The following DKK3 variants were observed in gnomAD, a reference collection of about 807,000 sequenced individuals.
DKK3 encodes the protein dickkopf Wnt signaling pathway inhibitor 3.
In DKK3, 22 loss-of-function variants were observed where a neutral mutation model predicts 33.2. The ratio of observed to expected loss-of-function variants is 0.66; its 90% CI spans 0.47 to 0.95. The LOEUF (loss-of-function observed/expected upper bound fraction) is 0.95, where lower values mean the gene tolerates loss of function less well. DKK3 is among the 40% of genes least tolerant of loss of function. DKK3 has a pLI of 0.00. For synonymous variants in DKK3, 194 were observed against 188.8 expected (o/e 1.03, Z -0.23); for missense variants, 398 against 458.4 (o/e 0.87, Z 1.20).
At chr11:11,997,210 T>A (rs1219486756) in intron 3 of DKK3, among the ~76,000 whole-genome samples, 1 of 152,174 alleles carries the variant, frequency 6.6e-6, no homozygotes. Context: ...TGTACCACTG[T>A]GCAATGATAG....
At chr11:11,987,523 G>C (rs1392930130) in intron 3 of DKK3, among the ~76,000 whole-genome samples, 1 of 152,152 alleles carries the variant, frequency 6.6e-6, no homozygotes, top group Non-Finnish European at 1.5e-5. Flanking sequence ...GTTGCTGCTT[G>C]GAAGTGCTGT....
intron 3 of DKK3, among the ~76,000 whole-genome samples, chr11:11,971,694 C>G (rs565840993): frequency 3.2e-4 from 48 of 152,294 alleles, no homozygotes; most frequent in Non-Finnish European, 6.6e-4. Context: ...GCATCAATTC[C>G]TATAAGACCC....
At chr11:11,993,699 C>T (rs1468456150) in intron 3 of DKK3, among the ~76,000 whole-genome samples, 1 of 152,194 alleles carries the variant, frequency 6.6e-6, no homozygotes, top group Non-Finnish European at 1.5e-5. Context: ...TATATTTAGA[C>T]ATAAATCACG....
upstream of DKK3, chr11:12,009,382 C>A (rs1208814226): frequency 1.0e-6 from 1 of 956,848 alleles, no homozygotes; most frequent in Admixed American, 7.2e-5. Context: ...CCGCCCCGAG[C>A]CCCGCCCGCC....
At chr11:11,966,280 G>T (rs570548190) in intron 5 of DKK3, among the ~76,000 whole-genome samples, 3 of 152,304 alleles carry the variant, frequency 2.0e-5, no homozygotes, top group African/African-American at 7.2e-5. Flanking sequence ...CAAAGGCCTG[G>T]GGTTGAGCTC....
chr11:11,964,809 T>G (rs1396860840), intron 6 of DKK3, 123 bp from the exon 7 acceptor site: 7 of 1,485,928 alleles, frequency 4.7e-6, no homozygotes, highest in Non-Finnish European at 6.3e-6. Flanking sequence ...TCCTGTCTCT[T>G]CAACAGAGAC....
chr11:11,984,823 A>C (rs909100684), intron 3 of DKK3, among the ~76,000 whole-genome samples: 5 of 152,144 alleles, frequency 3.3e-5, no homozygotes, highest in African/African-American at 1.2e-4. Context: ...AGGAGCGTCC[A>C]ATCTCCTGCC....
intron 3 of DKK3, among the ~76,000 whole-genome samples, chr11:11,986,880 A>T (rs562854015): frequency 2.0e-5 from 3 of 152,238 alleles, no homozygotes; most frequent in Non-Finnish European, 4.4e-5. Context: ...AGCAAACAGT[A>T]GGTGTCCAAC....
chr11:12,008,863 T>A, upstream of DKK3: 1 of 1,138,056 alleles, frequency 8.8e-7, no homozygotes, highest in Non-Finnish European at 1.1e-6. This position sits in a 1 kb window ranked among gnomAD's most constrained non-coding sequence, Gnocchi z 4.6. Flanking sequence ...TGAGCTCTGC[T>A]CCTCACCTGT....
rs754788741 is a variant in DKK3, at chr11:11,966,985, G to A, written c.642C>T (p.Cys214=). The A allele has an allele frequency of 1.2e-6, 2 of 1,613,916 alleles. No individual in the cohort carries two copies. The highest frequency in any genetic ancestry group is 2.7e-5 in the African/African-American group (2 of 74,916). Residue 214 remains cysteine (C), a synonymous_variant, in exon 5 of 7, where the codon TGC becomes TGT. Transcript: ENST00000683431. ...NGTICDNQRD[C]QPGLCCAFQR... ...GGAAGGCACAGCACAGCCCCGGCTG[G>A]CAGTCCCTCTGGTTGTCACAGATGG...
intron 1 of DKK3, among the ~76,000 whole-genome samples, chr11:12,004,809 G>C (rs1848503710): frequency 6.6e-6 from 1 of 152,218 alleles, no homozygotes; most frequent in Admixed American, 6.5e-5. Flanking sequence ...TGCCCTTTAA[G>C]AAGGCAGTTT....
At chr11:11,975,072 A>G (rs1488389608) in intron 3 of DKK3, among the ~76,000 whole-genome samples, 1 of 152,188 alleles carries the variant, frequency 6.6e-6, no homozygotes, top group Non-Finnish European at 1.5e-5. Flanking sequence ...TCCTGTTGAC[A>G]TCTTGATTTC....
intron 3 of DKK3, among the ~76,000 whole-genome samples, chr11:11,981,863 C>T (rs1847960563): frequency 6.6e-6 from 1 of 152,078 alleles, no homozygotes; most frequent in South Asian, 2.1e-4. Flanking sequence ...CCAGGCCAAA[C>T]AGGTTTATAT....
chr11:11,972,200 G>C (rs1249452676), intron 3 of DKK3, among the ~76,000 whole-genome samples: 1 of 152,196 alleles, frequency 6.6e-6, no homozygotes, highest in Non-Finnish European at 1.5e-5. Context: ...CTGTTGTACA[G>C]AGTTCATGCT....
chr11:11,978,426 C>T (rs906670014), intron 3 of DKK3, among the ~76,000 whole-genome samples: 3 of 151,572 alleles, frequency 2.0e-5, no homozygotes, highest in African/African-American at 7.3e-5. Flanking sequence ...CTTCCTCTTC[C>T]TCTTCTTCTT....
Position 11,967,084 on chromosome 11 carries a change from G to A in DKK3, c.543C>T (p.Asp181=). 6.2e-7 allele frequency: 1 copy of A among 1,613,616 alleles called. No individual in the cohort carries two copies. Among genetic ancestry groups the A allele is most frequent in the Non-Finnish European group, 8.5e-7 (1 of 1,179,892 alleles). Residue 181 remains aspartate, a synonymous_variant, in exon 5 of 7, where the codon GAC becomes GAT. Transcript: ENST00000683431. ...ACAGCTGGTCTCCACAGCACTCACT[G>A]TCCCGGGTGCAGAGCTGCAGACAGG... ...CRGQRMLCTR[D]SECCGDQLCV... is the part of the protein sequence containing the mutation.
intron 3 of DKK3, among the ~76,000 whole-genome samples, chr11:11,984,958 G>A (rs551713253): frequency 9.1e-4 from 138 of 152,282 alleles, no homozygotes; most frequent in South Asian, 5.8e-3. Context: ...AAGTTGAATC[G>A]TTTATGCTAA....
chr11:11,964,443 T>C lies in DKK3; in HGVS notation c.*21A>G, dbSNP rs1287386914. 1 of 1,604,752 alleles carries C rather than the reference T, an allele frequency of 6.2e-7. No homozygotes were observed. The highest frequency in any genetic ancestry group is 8.5e-7 in the Non-Finnish European group (1 of 1,178,530). ...AAATTAGCTATTTCTATTGCACATCTACCCACAGCCTGGTCCAGATCTAAA... is the reference window on the plus strand; with the variant it reads ...AAATTAGCTATTTCTATTGCACATCCACCCACAGCCTGGTCCAGATCTAAA... On this transcript the variant is annotated 3_prime_UTR_variant, in exon 7 of 7. Coordinates refer to ENST00000683431, the MANE Select transcript of DKK3 (RefSeq NM_001018057.2).
At chr11:11,978,627 C>T (rs1390050487) in intron 3 of DKK3, among the ~76,000 whole-genome samples, 1 of 152,094 alleles carries the variant, frequency 6.6e-6, no homozygotes, top group Non-Finnish European at 1.5e-5. Context: ...GATCCTCCCA[C>T]CTTGGCCTCC....
Sources: allele counts gnomAD v4.1 joint callset (sites outside exome capture counted in the v4.1 genomes callset), GRCh38; gene constraint gnomAD v4.1.1; non-coding constraint Gnocchi (gnomAD v3.1); transcripts MANE v1.5; gene names NCBI Gene and HGNC (gene_info 2026-07-23, HGNC 2026-07-21).